SEPTIN9: variants seen among roughly 807,000 people sequenced by gnomAD.
SEPTIN9 encodes septin 9.
SEPTIN9 carries 13 observed loss-of-function variants against 56.6 expected under a neutral mutation model. The ratio of observed to expected loss-of-function variants is 0.23; its 90% CI spans 0.15 to 0.37. SEPTIN9 has a LOEUF of 0.37. SEPTIN9 is among the 10% of genes least tolerant of loss of function. The pLI is 1.00. For missense variants in SEPTIN9, 650 were observed against 823.1 expected (o/e 0.79, Z 2.57); for synonymous variants, 332 against 334.1 (o/e 0.99, Z 0.07).
chr17:77,328,451 C>T (rs1806873), intron 2 of SEPTIN9, among the ~76,000 whole-genome samples: 20,037 of 152,222 alleles, frequency 0.13, 1,726 homozygotes, highest in South Asian at 0.23. Flanking sequence ...CTGCAACCTC[C>T]GCCTCCCAGG....
intron 2 of SEPTIN9, chr17:77,380,259 G>GCA (rs2035089873): frequency 2.6e-4 from 1 of 3,856 alleles, no homozygotes. Flanking sequence ...AGTGAGGCCC[G>GCA]CCCCCCCCCC....
intron 2 of SEPTIN9, among the ~76,000 whole-genome samples, chr17:77,325,963 C>G (rs2033122026): frequency 6.6e-6 from 1 of 152,206 alleles, no homozygotes; most frequent in Non-Finnish European, 1.5e-5. Context: ...TCCCGGAGGC[C>G]TGGCCTCTCC....
chr17:77,379,402 C>T (rs1212837283), intron 2 of SEPTIN9, among the ~76,000 whole-genome samples: 1 of 152,050 alleles, frequency 6.6e-6, no homozygotes, highest in South Asian at 2.1e-4. Flanking sequence ...GGTGGCCGTA[C>T]GTGATGGGCA....
At chr17:77,397,185 C>A (rs434143) in intron 2 of SEPTIN9, 36,138 of 154,486 alleles carry the variant, frequency 0.23, 4,946 homozygotes, top group East Asian at 0.65. Flanking sequence ...ACAAGTTTGA[C>A]ATCAAGGTAT....
chr17:77,430,533 A>C (rs1293239821), intron 3 of SEPTIN9, among the ~76,000 whole-genome samples: 1 of 152,202 alleles, frequency 6.6e-6, no homozygotes, highest in Non-Finnish European at 1.5e-5. Flanking sequence ...CAGAGCAGCC[A>C]TCACGCATTC....
rs1432633070 is a variant in SEPTIN9, at chr17:77,499,065, C to T, written c.*407C>T. The T allele has an allele frequency of 7.5e-6, 4 of 536,494 alleles. No homozygotes were observed. Among genetic ancestry groups the T allele is most frequent in the Admixed American group, 2.2e-5 (1 of 45,022 alleles). 33.2% of individuals were successfully genotyped at this position (536,494 alleles called of 1,614,324 possible). The stretch of plus-strand genomic sequence containing the variant: ...GAGGAGCCCAGTGGGCTGCACGCTC[C>T]CCTCCATCCCCATCGGCCCTGTCCC... On this transcript the variant is annotated 3_prime_UTR_variant, in exon 12 of 12. Coordinates refer to ENST00000427177, the MANE Select transcript of SEPTIN9 (RefSeq NM_001113491.2).
At chr17:77,454,339 G>C in intron 3 of SEPTIN9, 2 of 985,480 alleles carry the variant, frequency 2.0e-6, no homozygotes, top group African/African-American at 1.7e-5. Context: ...TTTGTTTATT[G>C]AGTGCCAGCC....
intron 2 of SEPTIN9, among the ~76,000 whole-genome samples, chr17:77,309,285 C>G (rs1254159835): frequency 6.6e-6 from 1 of 152,264 alleles, no homozygotes; most frequent in African/African-American, 2.4e-5. Context: ...AGCTTGGAAG[C>G]CTAAGGCATA....
At chr17:77,315,586 A>G (rs1021043507) in intron 2 of SEPTIN9, among the ~76,000 whole-genome samples, 1 of 152,140 alleles carries the variant, frequency 6.6e-6, no homozygotes, top group Non-Finnish European at 1.5e-5. Flanking sequence ...GCACCCGGCC[A>G]CGACCACCTA....
At chr17:77,316,763 G>A (rs2143638467) in intron 2 of SEPTIN9, among the ~76,000 whole-genome samples, 1 of 151,150 alleles carries the variant, frequency 6.6e-6, no homozygotes, top group East Asian at 1.9e-4. Flanking sequence ...CCAGGGTGCA[G>A]TAGTGCAATT....
At chr17:77,423,691 C>T (rs2036786003) in intron 3 of SEPTIN9, among the ~76,000 whole-genome samples, 1 of 152,242 alleles carries the variant, frequency 6.6e-6, no homozygotes, top group Non-Finnish European at 1.5e-5. Flanking sequence ...CTCCACTGCC[C>T]CCGTCGCGTT....
intron 2 of SEPTIN9, among the ~76,000 whole-genome samples, chr17:77,379,334 C>T (rs2035057202): frequency 6.6e-6 from 1 of 151,806 alleles, no homozygotes; most frequent in Admixed American, 6.6e-5. Context: ...CACCACGGTG[C>T]CCGGTACACA....
chr17:77,386,362 G>T (rs1024831409), intron 2 of SEPTIN9, among the ~76,000 whole-genome samples: 2 of 152,162 alleles, frequency 1.3e-5, no homozygotes, highest in Admixed American at 1.3e-4. Context: ...CACGCTGTCC[G>T]GGAAGGGCGG....
rs778615724 is a variant in SEPTIN9 at position 77,369,912 on chromosome 17, G to T, written c.77-32147G>T. Among the ~76,000 whole-genome samples the T allele has an allele frequency of 2.0e-5, 3 of 152,138 alleles. No homozygotes were observed. The highest frequency in any genetic ancestry group is 1.9e-4 in the East Asian group (1 of 5,196). On this transcript the variant is annotated intron_variant, in intron 2 of 11. Coordinates refer to ENST00000427177, the MANE Select transcript of SEPTIN9 (RefSeq NM_001113491.2). The surrounding 1 kb of genome is among the most constrained non-coding windows in gnomAD (Gnocchi z 4.9). ...GCTTTGTAAGCTTCATTTCCCCGGG[G>T]CCTGACCTGTGGGGTTTCTCTCCAG...
At chr17:77,459,505 G>A (rs1056869941) in intron 3 of SEPTIN9, among the ~76,000 whole-genome samples, 1 of 152,206 alleles carries the variant, frequency 6.6e-6, no homozygotes, top group Non-Finnish European at 1.5e-5. Context: ...GGTCCAGAAA[G>A]AGAAACTAAT....
At chr17:77,393,099 A>C (rs974426320) in intron 2 of SEPTIN9, among the ~76,000 whole-genome samples, 16 of 151,936 alleles carry the variant, frequency 1.1e-4, no homozygotes, top group African/African-American at 3.6e-4. Flanking sequence ...GTCCTGAGAC[A>C]GGGATTTCAG....
At chr17:77,360,758 G>T (rs1054353600) in intron 2 of SEPTIN9, among the ~76,000 whole-genome samples, 2 of 151,878 alleles carry the variant, frequency 1.3e-5, no homozygotes, top group African/African-American at 4.8e-5. Flanking sequence ...TAGAGACGGG[G>T]TTTCACCGTG....
intron 1 of SEPTIN9, among the ~76,000 whole-genome samples, chr17:77,302,229 A>G (rs1348472762): frequency 1.3e-5 from 2 of 152,174 alleles, no homozygotes; most frequent in Non-Finnish European, 2.9e-5. Context: ...GCGTGAGGCC[A>G]AGGCAGGAGG....
In SEPTIN9 at chr17:77,363,214, C is replaced by A. The variant is rs190222134; in HGVS notation, c.77-38845C>A. Among the ~76,000 whole-genome samples the A allele has an allele frequency of 7.2e-5, 11 of 152,144 alleles. No homozygotes were observed. In the East Asian group the frequency reaches 1.9e-3, roughly 27 times the overall value. Reference sequence around the variant, plus strand: ...GGGACCCAAGACCCTGGGGAAGGCACGAGTCAGGGGCCTGCTAGAGCCAGG... The same window carrying A: ...GGGACCCAAGACCCTGGGGAAGGCAAGAGTCAGGGGCCTGCTAGAGCCAGG... On this transcript the variant is annotated intron_variant, in intron 2 of 11. Transcript: ENST00000427177.
Sources: allele counts gnomAD v4.1 joint callset (sites outside exome capture counted in the v4.1 genomes callset), GRCh38; gene constraint gnomAD v4.1.1; non-coding constraint Gnocchi (gnomAD v3.1); transcripts MANE v1.5; gene names NCBI Gene and HGNC (gene_info 2026-07-23, HGNC 2026-07-21).